Variants in PPFIBP1 observed in about 807,000 individuals in gnomAD.
PPFIBP1 encodes liprin-beta-1.
PPFIBP1 carries 112 observed loss-of-function variants against 137.8 expected under a neutral mutation model. That is an observed-to-expected ratio of 0.81 (90% confidence interval 0.70 to 0.95). PPFIBP1 has a LOEUF of 0.95. Ranked by LOEUF, PPFIBP1 falls within the 40% of genes least tolerant of loss-of-function variation. The pLI is 0.00. For missense variants in PPFIBP1, 1,083 were observed against 1,196.6 expected, an observed-to-expected ratio of 0.91 and a Z score of 1.40; for synonymous variants, 378 against 417.3, an observed-to-expected ratio of 0.91 and a Z score of 1.15.
intron 2 of PPFIBP1, chr12:27,593,638 C>A (rs1036828113): frequency 4.1e-6 from 2 of 489,076 alleles, no homozygotes; most frequent in Non-Finnish European, 7.6e-6. Context: ...AACTCTTGCA[C>A]AAGATTATTC....
intron 1 of PPFIBP1, among the ~76,000 whole-genome samples, chr12:27,528,376 T>C (rs984886462): frequency 1.3e-5 from 2 of 152,198 alleles, no homozygotes; most frequent in Non-Finnish European, 2.9e-5. Flanking sequence ...TCTGGGCTCT[T>C]GTAATTCAGT....
intron 2 of PPFIBP1, among the ~76,000 whole-genome samples, chr12:27,598,075 G>A (rs1200594371): frequency 6.6e-6 from 1 of 152,150 alleles, no homozygotes; most frequent in Non-Finnish European, 1.5e-5. Context: ...AAAGTGCTAG[G>A]ATTACAGGCA....
chr12:27,684,979 T>C (rs2061109300), intron 24 of PPFIBP1, among the ~76,000 whole-genome samples: 1 of 152,096 alleles, frequency 6.6e-6, no homozygotes, highest in East Asian at 1.9e-4. Flanking sequence ...GTTTTTCCAG[T>C]AAGGTCCTCC....
intron 27 of PPFIBP1, among the ~76,000 whole-genome samples, chr12:27,689,810 C>T (rs2061420902): frequency 6.6e-6 from 1 of 152,128 alleles, no homozygotes; most frequent in Admixed American, 6.6e-5. Context: ...ATTCCCGCCG[C>T]CCCAGGAAGG....
chr12:27,560,311 A>G (rs1482370859), intron 1 of PPFIBP1, among the ~76,000 whole-genome samples: 2 of 152,230 alleles, frequency 1.3e-5, no homozygotes, highest in African/African-American at 4.8e-5. Context: ...TCAGGAATGA[A>G]TTAAATGCAA....
At chr12:27,665,198 T>G (rs2059790923) in intron 12 of PPFIBP1, among the ~76,000 whole-genome samples, 1 of 151,768 alleles carries the variant, frequency 6.6e-6, no homozygotes, top group Non-Finnish European at 1.5e-5. Context: ...AAAAAAAAAG[T>G]CAGCAGCATG....
At chr12:27,545,354 G>T (rs1484842162) in intron 1 of PPFIBP1, among the ~76,000 whole-genome samples, 1 of 152,110 alleles carries the variant, frequency 6.6e-6, no homozygotes, top group Non-Finnish European at 1.5e-5. Context: ...TGCACGTTCT[G>T]CACGTGTATC....
chr12:27,539,411 C>T (rs2135970585), intron 1 of PPFIBP1, among the ~76,000 whole-genome samples: 1 of 152,284 alleles, frequency 6.6e-6, no homozygotes, highest in South Asian at 2.1e-4. Context: ...AAACTTCCTG[C>T]TTGCTTTACT....
At chr12:27,605,341 G>T (rs2054418713) in intron 2 of PPFIBP1, among the ~76,000 whole-genome samples, 1 of 152,098 alleles carries the variant, frequency 6.6e-6, no homozygotes, top group South Asian at 2.1e-4. Flanking sequence ...GTAGAAATTA[G>T]ATCAGTGGTT....
intron 1 of PPFIBP1, among the ~76,000 whole-genome samples, chr12:27,564,400 C>T (rs549897532): frequency 4.3e-4 from 65 of 152,302 alleles, no homozygotes; most frequent in African/African-American, 1.3e-3. Context: ...TAGCTCCTTT[C>T]ACAAAAATAA....
At chr12:27,690,261 C>G (rs899135696) in intron 27 of PPFIBP1, among the ~76,000 whole-genome samples, 4 of 151,990 alleles carry the variant, frequency 2.6e-5, no homozygotes, top group Admixed American at 6.6e-5. Flanking sequence ...TACTGCTGGA[C>G]TTGAGTATGT....
chr12:27,547,457 A>G (rs549558344), intron 1 of PPFIBP1: 2 of 152,344 alleles, frequency 1.3e-5, no homozygotes, highest in Admixed American at 1.3e-4. Context: ...GGAGCCTGTG[A>G]CTTCCTCGTA....
intron 1 of PPFIBP1, among the ~76,000 whole-genome samples, chr12:27,553,711 G>A (rs1006890548): frequency 6.6e-6 from 1 of 152,144 alleles, no homozygotes; most frequent in East Asian, 1.9e-4. Flanking sequence ...CCATTCATGT[G>A]GCCCTAATTC....
chr12:27,578,748 G>A (rs558684490), intron 2 of PPFIBP1, among the ~76,000 whole-genome samples: 402 of 152,308 alleles, frequency 2.6e-3, no homozygotes, highest in African/African-American at 8.9e-3. Flanking sequence ...CCAAGTGACA[G>A]GCATTTGATT....
At chr12:27,604,937 G>C (rs2054369111) in intron 2 of PPFIBP1, among the ~76,000 whole-genome samples, 1 of 152,128 alleles carries the variant, frequency 6.6e-6, no homozygotes, top group South Asian at 2.1e-4. Flanking sequence ...CTTGTGCAGG[G>C]AAACTCCCAT....
intron 1 of PPFIBP1, among the ~76,000 whole-genome samples, chr12:27,550,109 C>T (rs1256969025): frequency 6.6e-6 from 1 of 152,202 alleles, no homozygotes; most frequent in East Asian, 1.9e-4. Context: ...AGAGTTATAA[C>T]TAAATTTGTA....
chr12:27,581,359 C>A (rs1427773439), intron 2 of PPFIBP1, among the ~76,000 whole-genome samples: 1 of 152,154 alleles, frequency 6.6e-6, no homozygotes, highest in African/African-American at 2.4e-5. Context: ...GCTGAATGGG[C>A]CCAGGTACAA....
chr12:27,533,753 A>G (rs771229959), intron 1 of PPFIBP1, among the ~76,000 whole-genome samples: 2 of 152,236 alleles, frequency 1.3e-5, no homozygotes, highest in Non-Finnish European at 2.9e-5. Flanking sequence ...TATGTAGAGT[A>G]AAAAGAGAAG....
intron 6 of PPFIBP1, among the ~76,000 whole-genome samples, chr12:27,649,629 T>C (rs1231728721): frequency 6.6e-6 from 1 of 152,054 alleles, no homozygotes; most frequent in Admixed American, 6.6e-5. Context: ...CCGCTCCCTG[T>C]AACCTCCGCC....
Sources: allele counts gnomAD v4.1 joint callset (sites outside exome capture counted in the v4.1 genomes callset), GRCh38; gene constraint gnomAD v4.1.1; transcripts MANE v1.5; gene names NCBI Gene and HGNC (gene_info 2026-07-23, HGNC 2026-07-21).